Variants in SAAL1 observed in about 807,000 individuals in gnomAD.
SAAL1 encodes the protein serum amyloid A like 1, also known as protein SAAL1.
SAAL1 carries 42 observed loss-of-function variants against 59.8 expected under a neutral mutation model. The ratio of observed to expected loss-of-function variants is 0.70; its 90% CI spans 0.55 to 0.91. SAAL1 has a LOEUF of 0.91. SAAL1 is among the 40% of genes least tolerant of loss of function. SAAL1 has a pLI of 0.00. For missense variants in SAAL1, 542 were observed against 561.1 expected (o/e 0.97, Z 0.34); for synonymous variants, 191 against 194.3 (o/e 0.98, Z 0.14).
rs1848509702 is a variant in SAAL1 at position 18,090,323 on chromosome 11, T to C, written c.474-33A>G. 3 of 1,541,810 alleles carry C rather than the reference T, an allele frequency of 1.9e-6. No homozygotes were observed. The African/African-American group carries it at 4.4e-5, about 23-fold the overall frequency. ...GTAAACGTGGGTTGAATTTCTACTT[T>C]TCAAAAAAAAAAAAAAAACAGTAAA... On this transcript the variant is annotated intron_variant, in intron 5 of 11. Transcript: ENST00000524803.
At chr11:18,082,194 C>G (rs1217057224) in intron 10 of SAAL1, among the ~76,000 whole-genome samples, 1 of 151,726 alleles carries the variant, frequency 6.6e-6, no homozygotes, top group Non-Finnish European at 1.5e-5. Context: ...GAAACAACAG[C>G]AAAGAATGGG....
At chr11:18,087,318 C>A in intron 7 of SAAL1, 93 bp from the exon 8 acceptor site, 1 of 789,758 alleles carries the variant, frequency 1.3e-6, no homozygotes, top group South Asian at 1.7e-5. Flanking sequence ...ATTACTCTGC[C>A]AGCCACTGTT....
chr11:18,099,421 T>C (rs1332057406), intron 2 of SAAL1, among the ~76,000 whole-genome samples: 2 of 152,128 alleles, frequency 1.3e-5, no homozygotes, highest in Non-Finnish European at 2.9e-5. Context: ...AAGGGCTCAG[T>C]CCCATGGAAT....
intron 1 of SAAL1, among the ~76,000 whole-genome samples, chr11:18,104,433 A>T (rs1848667326): frequency 7.0e-6 from 1 of 142,038 alleles, no homozygotes; most frequent in African/African-American, 2.7e-5. Flanking sequence ...AATCCCTTAC[A>T]TTTAAGCTTT....
chr11:18,081,624 C>T, intron 10 of SAAL1, 121 bp from the exon 11 acceptor site: 1 of 708,102 alleles, frequency 1.4e-6, no homozygotes, highest in Non-Finnish European at 2.5e-6. Context: ...AAATGTCCCA[C>T]CTGAACCCAC....
chr11:18,103,607 G>A (rs1848657982), intron 1 of SAAL1, among the ~76,000 whole-genome samples: 1 of 152,180 alleles, frequency 6.6e-6, no homozygotes, highest in Non-Finnish European at 1.5e-5. Flanking sequence ...GTCCCAATCT[G>A]AGTGAGTGTG....
At chr11:18,102,334 G>A (rs1848643394) in intron 2 of SAAL1, among the ~76,000 whole-genome samples, 2 of 151,658 alleles carry the variant, frequency 1.3e-5, no homozygotes, top group African/African-American at 2.4e-5. Context: ...CCCTCGAGGC[G>A]GAGATTGCAG....
chr11:18,105,774 G>C (rs1848682571), intron 1 of SAAL1, 133 bp downstream of exon 1: 1 of 1,178,676 alleles, frequency 8.5e-7, no homozygotes, highest in African/African-American at 1.6e-5. Context: ...CAAGGAGCAA[G>C]GTCCCGCAGC....
At chr11:18,083,197 TA>T (rs72105861) in intron 10 of SAAL1, 68,903 of 157,048 alleles carry the variant, frequency 0.44, 16,342 homozygotes, top group African/African-American at 0.61. Context: ...TGGCTCTCAG[TA>T]AAAAAGTCTT....
chr11:18,086,349 CTA>C (rs1165337763), intron 9 of SAAL1, among the ~76,000 whole-genome samples: 1 of 152,092 alleles, frequency 6.6e-6, no homozygotes, highest in Admixed American at 6.6e-5. Context: ...TTGCAGTGAG[CTA>C]TGATCCTGCC....
In SAAL1 at chr11:18,105,973, TCCACCGG is replaced by T; in HGVS notation, c.62_68del (p.Ala21GlufsTer4). 6.2e-7 allele frequency: 1 copy of T among 1,609,678 alleles called. No homozygotes were observed. Among genetic ancestry groups the T allele is most frequent in the East Asian group, 2.2e-5 (1 of 44,476 alleles). On this transcript the variant is annotated frameshift_variant, in exon 1 of 12. Transcript: ENST00000524803. LOFTEE classifies it high-confidence loss of function. ...TGTAGACCGTGCTCCCTATGCAGTC[TCCACCGG>T]CCACCTCCTCCTCCTCCTCCTTGTC...
chr11:18,103,159 T>A, intron 2 of SAAL1, 74 bp downstream of exon 2: 4 of 994,298 alleles, frequency 4.0e-6, no homozygotes, highest in Non-Finnish European at 6.5e-6. Context: ...AGTGAAGGAC[T>A]GAACCGTTTT....
intron 3 of SAAL1, among the ~76,000 whole-genome samples, chr11:18,095,570 T>A (rs1352328137): frequency 6.6e-6 from 1 of 152,226 alleles, no homozygotes; most frequent in African/African-American, 2.4e-5. Context: ...TTCCTAGCTG[T>A]GTGACCCTGA....
intron 3 of SAAL1, among the ~76,000 whole-genome samples, chr11:18,094,804 G>C (rs937995334): frequency 6.6e-6 from 1 of 152,144 alleles, no homozygotes; most frequent in African/African-American, 2.4e-5. Flanking sequence ...GATTAAGAGT[G>C]AGTAGGGGCA....
intron 3 of SAAL1, 88 bp from the exon 4 acceptor site, chr11:18,092,412 C>T (rs1349739417): frequency 1.1e-6 from 1 of 872,704 alleles, no homozygotes; most frequent in East Asian, 2.5e-5. Context: ...TTTCGCTGAG[C>T]CAAGTTTTGG....
chr11:18,099,632 T>G (rs1441897403), intron 2 of SAAL1, among the ~76,000 whole-genome samples: 5 of 152,188 alleles, frequency 3.3e-5, no homozygotes, highest in Non-Finnish European at 7.3e-5. Flanking sequence ...AGAGGACACA[T>G]GTAACAGAGT....
rs754719030 is a variant in SAAL1 at position 18,086,968 on chromosome 11, T to A, written c.940A>T (p.Ile314Phe). Residue 314 changes from isoleucine (I) to phenylalanine (F), a missense_variant, in exon 9 of 12, where the codon ATC becomes TTC. Coordinates refer to ENST00000524803, the MANE Select transcript of SAAL1 (RefSeq NM_138421.3). ...ACTGTTTTCTGTTCTTGAAGAATGA[T>A]GGGTGGATCATCAGACTGGCAGAAT... ...HEFCQSDDPP[I>F]ILQEQKTVLA... The A allele has an allele frequency of 1.2e-6, 2 of 1,613,782 alleles. No homozygotes were observed. Among genetic ancestry groups the A allele is most frequent in the African/African-American group, 2.7e-5 (2 of 74,930 alleles).
chr11:18,105,074 A>G (rs1049973830), intron 1 of SAAL1, among the ~76,000 whole-genome samples: 4 of 152,124 alleles, frequency 2.6e-5, no homozygotes, highest in African/African-American at 9.7e-5. Flanking sequence ...ATAACCTTAT[A>G]TATAATATAA....
chr11:18,088,161 A>AG, intron 7 of SAAL1, among the ~76,000 whole-genome samples: 1 of 152,248 alleles, frequency 6.6e-6, no homozygotes, highest in East Asian at 1.9e-4. Flanking sequence ...ACTGAAACGC[A>AG]GAGTACAAGG....
Sources: gnomAD v4.1 joint callset for allele counts (sites outside exome capture counted in the v4.1 genomes callset) on GRCh38, gnomAD v4.1.1 for gene constraint, MANE v1.5 for transcripts, NCBI Gene and HGNC (gene_info 2026-07-23, HGNC 2026-07-21) for gene names.